BAZ2B: variants seen among roughly 807,000 people sequenced by gnomAD.
The protein encoded by BAZ2B is bromodomain adjacent to zinc finger domain 2B.
BAZ2B carries 91 observed loss-of-function variants against 246.0 expected under a neutral mutation model. The ratio of observed to expected loss-of-function variants is 0.37; its 90% CI spans 0.31 to 0.44. BAZ2B has a LOEUF of 0.44. BAZ2B is among the 20% of genes least tolerant of loss of function. The pLI is 1.00. For missense variants in BAZ2B, 2,332 were observed against 2,533.7 expected (o/e 0.92, Z 1.71); for synonymous variants, 855 against 860.0 (o/e 0.99, Z 0.10).
At chr2:159,340,569 A>C (rs1432083197) in intron 31 of BAZ2B, among the ~76,000 whole-genome samples, 2 of 152,088 alleles carry the variant, frequency 1.3e-5, no homozygotes, top group Non-Finnish European at 2.9e-5. Context: ...CCATTAGACT[A>C]ACATTGGATT....
At chr2:159,550,990 C>T (rs1157177807) in intron 2 of BAZ2B, among the ~76,000 whole-genome samples, 2 of 152,114 alleles carry the variant, frequency 1.3e-5, no homozygotes, top group Non-Finnish European at 2.9e-5. Flanking sequence ...CTTGAGCCAC[C>T]ATGCCTAGCT....
intron 27 of BAZ2B, among the ~76,000 whole-genome samples, chr2:159,351,180 T>C (rs2058523800): frequency 6.6e-6 from 1 of 152,192 alleles, no homozygotes; most frequent in African/African-American, 2.4e-5. Flanking sequence ...CTGTATGTGA[T>C]ACATACACAC....
chr2:159,428,017 T>A lies in BAZ2B; in HGVS notation c.2390A>T (p.Asp797Val). 1.2e-6 allele frequency: 2 copies of A among 1,613,380 alleles called. No homozygotes were observed. Among genetic ancestry groups the A allele is most frequent in the Non-Finnish European group, 1.7e-6 (2 of 1,179,458 alleles). ...GAAGCTGAAATTGTCCCTTGAGATA[T>A]CCATTATTCCATTTCTGCTGAGATA... is the stretch of plus-strand genomic sequence containing the variant. ...IKYLSRNGIM[D>V]ISRDNFSFSA... is the part of the protein sequence containing the mutation. Residue 797 changes from aspartate to valine, a missense_variant, in exon 13 of 37, where the codon GAT (aspartate) becomes GTT (valine). Transcript: ENST00000392783.
At chr2:159,329,205 A>C (rs1207251218) in intron 34 of BAZ2B, among the ~76,000 whole-genome samples, 1 of 152,090 alleles carries the variant, frequency 6.6e-6, no homozygotes, top group Non-Finnish European at 1.5e-5. Flanking sequence ...AACAATTAAA[A>C]AATAATAAAT....
upstream of BAZ2B, among the ~76,000 whole-genome samples, chr2:159,619,742 A>T (rs1696356940): frequency 6.6e-6 from 1 of 152,152 alleles, no homozygotes; most frequent in African/African-American, 2.4e-5. Context: ...AATTGTGCTT[A>T]AATTATTTTT....
intron 1 of BAZ2B, among the ~76,000 whole-genome samples, chr2:159,571,912 G>A (rs1425040): frequency 0.55 from 83,952 of 152,006 alleles, 23,945 homozygotes; most frequent in East Asian, 0.73. Context: ...CATAAGGGTG[G>A]AGCCCTTGTG....
At chr2:159,574,142 TACACAC>T (rs70997110) in intron 1 of BAZ2B, among the ~76,000 whole-genome samples, 60,351 of 144,966 alleles carry the variant, frequency 0.42, 12,310 homozygotes, top group South Asian at 0.54. Flanking sequence ...CACACACACA[TACACAC>T]ACACACACAC....
the BAZ2B span, among the ~76,000 whole-genome samples, chr2:159,644,616 T>G: frequency 6.6e-6 from 1 of 152,236 alleles, no homozygotes. Flanking sequence ...TCTACGTTCC[T>G]GCCCAGTAGA....
intron 2 of BAZ2B, among the ~76,000 whole-genome samples, chr2:159,544,449 G>A (rs772143564): frequency 1.4e-4 from 22 of 152,132 alleles, no homozygotes; most frequent in Non-Finnish European, 2.8e-4. Context: ...TACCTTGAGC[G>A]GCTAAGTAGA....
At chr2:159,554,840 G>A (rs772114289) in intron 2 of BAZ2B, among the ~76,000 whole-genome samples, 2 of 151,944 alleles carry the variant, frequency 1.3e-5, no homozygotes, top group Non-Finnish European at 2.9e-5. Context: ...GTGGATAAAG[G>A]CCCTGGAAAA....
intron 6 of BAZ2B, among the ~76,000 whole-genome samples, chr2:159,440,829 C>G (rs2073259100): frequency 6.6e-6 from 1 of 152,040 alleles, no homozygotes; most frequent in African/African-American, 2.4e-5. Context: ...TCTGCTTTAA[C>G]TGCTCCAAAC....
intron 20 of BAZ2B, among the ~76,000 whole-genome samples, chr2:159,394,739 A>G (rs1312814639): frequency 1.3e-5 from 2 of 152,198 alleles, no homozygotes; most frequent in South Asian, 2.1e-4. Flanking sequence ...AGAGACACAT[A>G]TCCATTTACT....
chr2:159,476,479 C>T (rs1177108369), intron 3 of BAZ2B, among the ~76,000 whole-genome samples: 2 of 152,160 alleles, frequency 1.3e-5, no homozygotes, highest in Middle Eastern at 3.4e-3. Flanking sequence ...TTCAGCAACT[C>T]GGCATACTCC....
At chr2:159,382,960 G>C (rs2062179608) in intron 24 of BAZ2B, among the ~76,000 whole-genome samples, 158 bp from the exon 25 acceptor site, 1 of 151,940 alleles carries the variant, frequency 6.6e-6, no homozygotes, top group Admixed American at 6.6e-5. Flanking sequence ...GGAAACTTAA[G>C]AAATGTTTCC....
rs1390266690 is a variant in BAZ2B at position 159,325,875 on chromosome 2, C to T, written c.5987G>A (p.Gly1996Glu). 1.9e-6 allele frequency: 3 copies of T among 1,591,064 alleles called. No individual in the cohort carries two copies. The highest frequency in any genetic ancestry group is 2.6e-6 in the Non-Finnish European group (3 of 1,174,326). ...TTTCTTTGACTCATTAGTCTTTTTT[C>T]CTTTGACATGAAGTTTTTTGATTTT... ...TLKIKKLHVK[G>E]KKTNESKKGK... Residue 1996 changes from glycine to glutamate, a missense_variant, in exon 35 of 37, where the codon GGA (glycine) becomes GAA (glutamate). Around this residue, in one of 9 missense-constraint regions of BAZ2B, gnomAD observed 210 missense variants for 232.5 expected, o/e 0.90. Coordinates refer to ENST00000392783, the MANE Select transcript of BAZ2B (RefSeq NM_013450.4).
the BAZ2B span, among the ~76,000 whole-genome samples, chr2:159,639,315 G>T: frequency 6.6e-6 from 1 of 152,088 alleles, no homozygotes; most frequent in Non-Finnish European, 1.5e-5. Context: ...GAAAGAAAAG[G>T]ACATTCATAA....
chr2:159,462,666 G>A, intron 3 of BAZ2B: 1 of 1,115,778 alleles, frequency 9.0e-7, no homozygotes, highest in Non-Finnish European at 1.4e-6. Context: ...TCGTAATAGT[G>A]AACCTGAATC....
intron 30 of BAZ2B, 109 bp downstream of exon 30, chr2:159,348,569 G>A (rs2058224435): frequency 1.6e-6 from 2 of 1,286,928 alleles, no homozygotes; most frequent in African/African-American, 1.5e-5. Flanking sequence ...CCATAGATGT[G>A]GAACCCATGA....
chr2:159,666,244 T>C, the BAZ2B span, among the ~76,000 whole-genome samples: 17 of 129,312 alleles, frequency 1.3e-4, no homozygotes, highest in Non-Finnish European at 1.2e-4. Context: ...ATTTATTATA[T>C]TTTTTTATGA....
Sources: allele counts gnomAD v4.1 joint callset (sites outside exome capture counted in the v4.1 genomes callset), GRCh38; gene constraint gnomAD v4.1.1; regional missense constraint gnomAD v4.1.1; transcripts MANE v1.5; gene names NCBI Gene and HGNC (gene_info 2026-07-23, HGNC 2026-07-21).